The following VTI1A variants were observed in gnomAD, a reference collection of about 807,000 sequenced individuals.
The protein encoded by VTI1A is vesicle transport through interaction with t-SNAREs 1A, also known as vesicle transport through interaction with t-SNAREs homolog 1A.
A neutral mutation model predicts 34.9 loss-of-function variants in VTI1A; 22 were observed. That is an observed-to-expected ratio of 0.63 (90% CI 0.45 to 0.90). The LOEUF (loss-of-function observed/expected upper bound fraction) is 0.90, where lower values mean the gene tolerates loss of function less well. Among genes scored for constraint, VTI1A ranks in the 40% least tolerant of loss-of-function variants. The pLI is 0.00. For synonymous variants in VTI1A, 87 were observed against 97.3 expected, an observed-to-expected ratio of 0.89 and a Z score of 0.62; for missense variants, 268 against 275.6, an observed-to-expected ratio of 0.97 and a Z score of 0.20.
At chr10:112,852,127 C>A in the VTI1A span, among the ~76,000 whole-genome samples, 1 of 152,116 alleles carries the variant, frequency 6.6e-6, no homozygotes, top group Non-Finnish European at 1.5e-5. Context: ...TTTTATATTT[C>A]TTTAAATTCA....
chr10:112,744,873 C>A (rs528568570), intron 7 of VTI1A, among the ~76,000 whole-genome samples: 4 of 152,286 alleles, frequency 2.6e-5, no homozygotes, highest in African/African-American at 7.2e-5. Flanking sequence ...ATCCTCACAG[C>A]AAACTGAGAT....
At chr10:112,692,634 C>G (rs1848648255) in intron 7 of VTI1A, among the ~76,000 whole-genome samples, 1 of 152,220 alleles carries the variant, frequency 6.6e-6, no homozygotes, top group South Asian at 2.1e-4. Context: ...TTTAAATTGG[C>G]ACAATTTCTT....
intron 7 of VTI1A, among the ~76,000 whole-genome samples, chr10:112,745,967 G>C (rs1850880420): frequency 6.6e-6 from 1 of 152,182 alleles, no homozygotes; most frequent in African/African-American, 2.4e-5. Context: ...TTTAAATTAT[G>C]CTAATTCATG....
At chr10:112,487,633 G>A (rs1250010143) in intron 3 of VTI1A, among the ~76,000 whole-genome samples, 1 of 152,052 alleles carries the variant, frequency 6.6e-6, no homozygotes, top group Non-Finnish European at 1.5e-5. Context: ...TCACCTAGTT[G>A]TCTTTTTATA....
In VTI1A at chr10:112,682,815, A is replaced by G. The variant is rs188872847; in HGVS notation, c.560+13817A>G. 1.7e-3 allele frequency among the ~76,000 whole-genome samples: 252 copies of G among 152,310 alleles called. 1 individual carries two copies. The highest frequency in any genetic ancestry group is 4.8e-3 in the African/African-American group (201 of 41,566). On this transcript the variant is annotated intron_variant, in intron 7 of 7. Transcript: ENST00000393077. The stretch of plus-strand genomic sequence containing the variant: ...GGAATAAATATTGTAGAATGGTGGG[A>G]CATTTGGAGAGCTCGCTCCTGATCC...
chr10:112,572,775 C>G (rs1034784342), intron 5 of VTI1A, among the ~76,000 whole-genome samples: 2 of 150,428 alleles, frequency 1.3e-5, no homozygotes, highest in Non-Finnish European at 2.9e-5. Context: ...GGAGGCGGAG[C>G]TTGCAGTGAG....
chr10:112,833,352 C>T, the VTI1A span, among the ~76,000 whole-genome samples: 1 of 152,028 alleles, frequency 6.6e-6, no homozygotes, highest in Admixed American at 6.6e-5. Flanking sequence ...ACCCTGCCTA[C>T]TCCTTCAAGG....
intron 7 of VTI1A, among the ~76,000 whole-genome samples, chr10:112,761,770 C>CTGTG (rs57330053): frequency 0.052 from 7,637 of 145,840 alleles, 227 homozygotes; most frequent in Middle Eastern, 0.071. Flanking sequence ...CTTTCTTTCT[C>CTGTG]TGTGTGTGTG....
At chr10:112,479,487 C>G (rs987012223) in intron 3 of VTI1A, among the ~76,000 whole-genome samples, 3 of 152,188 alleles carry the variant, frequency 2.0e-5, no homozygotes, top group Non-Finnish European at 2.9e-5. Flanking sequence ...GATTCCCTTT[C>G]TCTCTGAATC....
chr10:112,667,800 A>G (rs1847698305), intron 5 of VTI1A, among the ~76,000 whole-genome samples: 1 of 152,172 alleles, frequency 6.6e-6, no homozygotes, highest in Admixed American at 6.5e-5. Flanking sequence ...ATTGTTCTAA[A>G]TGGAGTCTGA....
chr10:112,511,008 A>AT (rs756573111), intron 3 of VTI1A, among the ~76,000 whole-genome samples: 1 of 152,182 alleles, frequency 6.6e-6, no homozygotes, highest in African/African-American at 2.4e-5. Context: ...AATCTCAGAC[A>AT]TTAGTTACTT....
intron 5 of VTI1A, among the ~76,000 whole-genome samples, chr10:112,559,232 G>A (rs536990447): frequency 2.0e-5 from 3 of 152,318 alleles, no homozygotes; most frequent in African/African-American, 7.2e-5. Context: ...ACACATGTTG[G>A]TTATACTGAT....
intron 7 of VTI1A, among the ~76,000 whole-genome samples, chr10:112,773,651 C>G (rs944095740): frequency 6.6e-6 from 1 of 152,134 alleles, no homozygotes; most frequent in African/African-American, 2.4e-5. Flanking sequence ...TGGCAGAAGA[C>G]AGTTGATTGG....
intron 7 of VTI1A, among the ~76,000 whole-genome samples, chr10:112,807,864 A>G (rs1490763280): frequency 6.6e-6 from 1 of 151,910 alleles, no homozygotes; most frequent in East Asian, 1.9e-4. Flanking sequence ...AAAAAAAATA[A>G]AAAATAAAAA....
chr10:112,659,220 A>G (rs1214141070), intron 5 of VTI1A, among the ~76,000 whole-genome samples: 6 of 152,192 alleles, frequency 3.9e-5, no homozygotes, highest in Non-Finnish European at 5.9e-5. Flanking sequence ...GGTAAATTCC[A>G]CAAGTGAGCC....
chr10:112,563,662 G>C (rs2134339283), intron 5 of VTI1A, among the ~76,000 whole-genome samples: 1 of 152,298 alleles, frequency 6.6e-6, no homozygotes, highest in Non-Finnish European at 1.5e-5. Flanking sequence ...AACAATGAAA[G>C]ACTGTCTCTA....
At chr10:112,492,722 G>C (rs1416581331) in intron 3 of VTI1A, among the ~76,000 whole-genome samples, 1 of 151,750 alleles carries the variant, frequency 6.6e-6, no homozygotes, top group Non-Finnish European at 1.5e-5. Context: ...GGGAGGCAAA[G>C]GTTGTAGTGA....
At chr10:112,594,310 A>T (rs1425428110) in intron 5 of VTI1A, among the ~76,000 whole-genome samples, 1 of 152,138 alleles carries the variant, frequency 6.6e-6, no homozygotes, top group Non-Finnish European at 1.5e-5. Flanking sequence ...ATCCTTTTTT[A>T]AAAGCCTGCT....
chr10:112,718,690 GT>G (rs1332320944), intron 7 of VTI1A, among the ~76,000 whole-genome samples: 4 of 152,114 alleles, frequency 2.6e-5, no homozygotes, highest in African/African-American at 9.7e-5. Context: ...GTTGACCAAG[GT>G]GTTGAATGCA....
Sources: gnomAD v4.1 joint callset for allele counts (sites outside exome capture counted in the v4.1 genomes callset) on GRCh38, gnomAD v4.1.1 for gene constraint, MANE v1.5 for transcripts, NCBI Gene and HGNC (gene_info 2026-07-23, HGNC 2026-07-21) for gene names.